The following ASTN2 variants were observed in gnomAD, a reference collection of about 807,000 sequenced individuals.
The protein encoded by ASTN2 is astrotactin 2, also known as astrotactin-2.
ASTN2 carries 54 observed loss-of-function variants against 139.8 expected under a neutral mutation model. The ratio of observed to expected loss-of-function variants is 0.39; its 90% CI spans 0.31 to 0.48. The LOEUF (loss-of-function observed/expected upper bound fraction) is 0.48, where lower values mean the gene tolerates loss of function less well. ASTN2 is among the 20% of genes least tolerant of loss of function. The probability of loss-of-function intolerance (pLI) is 0.95; values close to 1 mark genes in which losing one functional copy is unlikely to be tolerated. For synonymous variants in ASTN2, 756 were observed against 719.5 expected, an observed-to-expected ratio of 1.05 and a Z score of -0.81; for missense variants, 1,565 against 1,725.1, an observed-to-expected ratio of 0.91 and a Z score of 1.64.
chr9:116,999,590 C>T (rs1175281673), intron 7 of ASTN2, among the ~76,000 whole-genome samples: 1 of 113,240 alleles, frequency 8.8e-6, no homozygotes, highest in Non-Finnish European at 1.7e-5. Context: ...GACAGAGTCT[C>T]ACTCTGTCAC....
chr9:117,142,278 T>A (rs533746126), intron 3 of ASTN2, among the ~76,000 whole-genome samples: 17 of 152,288 alleles, frequency 1.1e-4, no homozygotes, highest in African/African-American at 4.1e-4. Flanking sequence ...AAACAATCAC[T>A]AACTAAAGTA....
chr9:116,651,813 G>C lies in ASTN2; in HGVS notation c.2807-20C>G, dbSNP rs369472392. ...TGGTCTCTGGAGAGGCACAAGACAG[G>C]AAGAGCGAAAGGTAAACTCAGGATT... is the stretch of plus-strand genomic sequence containing the variant. On this transcript the variant is annotated intron_variant, in intron 16 of 22. Coordinates refer to ENST00000313400, the MANE Select transcript of ASTN2 (RefSeq NM_001365068.1). 1 of 1,607,472 alleles carries C rather than the reference G, an allele frequency of 6.2e-7. No homozygotes were observed. The highest frequency in any genetic ancestry group is 2.2e-5 in the East Asian group (1 of 44,674).
intron 1 of ASTN2, among the ~76,000 whole-genome samples, chr9:117,380,755 C>T (rs1001694392): frequency 1.3e-5 from 2 of 152,158 alleles, no homozygotes; most frequent in Non-Finnish European, 2.9e-5. Flanking sequence ...TAAAGACAGA[C>T]ATTAGCAAGT....
intron 5 of ASTN2, among the ~76,000 whole-genome samples, chr9:117,064,223 G>T (rs534054275): frequency 2.6e-5 from 4 of 152,000 alleles, no homozygotes; most frequent in Non-Finnish European, 5.9e-5. Context: ...TTAGAGAGCT[G>T]TTATCACGGT....
intron 3 of ASTN2, among the ~76,000 whole-genome samples, chr9:117,188,356 T>C (rs1831260888): frequency 6.6e-6 from 1 of 152,134 alleles, no homozygotes; most frequent in South Asian, 2.1e-4. Context: ...TTCCATAGCA[T>C]GAGGAGTTTT....
rs535743394 is a variant in ASTN2 at position 116,693,833 on chromosome 9, T to A, written c.2806+31938A>T. Among the ~76,000 whole-genome samples, 3 of 152,322 alleles carry A rather than the reference T, an allele frequency of 2.0e-5. No individual in the cohort carries two copies. The East Asian group carries it at 5.8e-4, about 29-fold the overall frequency. ...GGGGAAACTGAAGTCAAATTGACCT[T>A]CTATCTGAGTCATTCTCAGTATTAC... On this transcript the variant is annotated intron_variant, in intron 16 of 22. Transcript: ENST00000313400.
intron 6 of ASTN2, 53 bp from the exon 7 acceptor site, chr9:117,008,312 T>C: frequency 6.7e-7 from 1 of 1,485,170 alleles, no homozygotes; most frequent in South Asian, 1.4e-5. Context: ...AGGTCTTAGC[T>C]GATGCTACAG....
intron 20 of ASTN2, among the ~76,000 whole-genome samples, chr9:116,481,311 T>C (rs1052065553): frequency 6.6e-6 from 1 of 152,132 alleles, no homozygotes; most frequent in African/African-American, 2.4e-5. Context: ...GCCTGGGAGA[T>C]TGAGGCTGCA....
intron 3 of ASTN2, among the ~76,000 whole-genome samples, chr9:117,201,762 T>C (rs1445861037): frequency 3.3e-5 from 5 of 152,180 alleles, no homozygotes; most frequent in Admixed American, 1.3e-4. Context: ...CTTTCAATAA[T>C]GTGGTTGATT....
intron 1 of ASTN2, among the ~76,000 whole-genome samples, chr9:117,302,272 G>A (rs1309203772): frequency 6.6e-6 from 1 of 152,090 alleles, no homozygotes; most frequent in Admixed American, 6.5e-5. Context: ...AATTACAACA[G>A]GAAGAGAGTG....
intron 3 of ASTN2, among the ~76,000 whole-genome samples, chr9:117,197,978 T>C (rs1353918249): frequency 1.4e-5 from 2 of 142,280 alleles, no homozygotes; most frequent in African/African-American, 4.9e-5. Context: ...CTTTTTCTTC[T>C]GGCTGTTTTT....
chr9:116,547,837 C>T lies in ASTN2; in HGVS notation c.3356-60337G>A, dbSNP rs959481206. On this transcript the variant is annotated intron_variant, in intron 19 of 22. Coordinates refer to ENST00000313400, the MANE Select transcript of ASTN2 (RefSeq NM_001365068.1). ...GGTCAAGGCGCCCGGTTTACCTGAG[C>T]TGCCCCCCAAGCTGAGGTTCTGTGT... Among the ~76,000 whole-genome samples the T allele has an allele frequency of 9.2e-5, 14 of 152,146 alleles. 1 individual carries two copies. Among genetic ancestry groups the T allele is most frequent in the Admixed American group, 9.2e-4 (14 of 15,280 alleles).
rs1554724602 is a variant in ASTN2, at chr9:116,642,132, C to CCAAAAAAAAA, written c.3072+9395_3072+9396insTTTTTTTTTG. ...TGGGAAAATGAAGGCTCCCAACCCA[C>CCAAAAAAAAA]AAAAAAAAAAAAACAAAAAAAAACA... On this transcript the variant is annotated intron_variant, in intron 17 of 22. Transcript: ENST00000313400. Among the ~76,000 whole-genome samples the CCAAAAAAAAA allele has an allele frequency of 7.2e-4, 35 of 48,928 alleles. 5 individuals are homozygous for CCAAAAAAAAA. The highest frequency in any genetic ancestry group is 0.017 in the Middle Eastern group (1 of 60). 32.1% of individuals were successfully genotyped at this position (48,928 alleles called of 152,430 possible).
chr9:117,147,484 C>T (rs1326457891), intron 3 of ASTN2, among the ~76,000 whole-genome samples: 2 of 151,872 alleles, frequency 1.3e-5, no homozygotes. Context: ...CCACCGTTCT[C>T]TTCCCCCACG....
intron 19 of ASTN2, among the ~76,000 whole-genome samples, chr9:116,555,516 CTG>C (rs1216263791): frequency 6.6e-6 from 1 of 152,122 alleles, no homozygotes; most frequent in Non-Finnish European, 1.5e-5. Flanking sequence ...TCTCCCGACT[CTG>C]TGCGGTCCAC....
At chr9:116,857,416 T>C (rs556739468) in intron 11 of ASTN2, among the ~76,000 whole-genome samples, 3 of 152,334 alleles carry the variant, frequency 2.0e-5, no homozygotes, top group African/African-American at 7.2e-5. Context: ...GCTGCAATCC[T>C]GCTGAAGTCT....
At chr9:117,082,653 A>G (rs1421729086) in intron 5 of ASTN2, among the ~76,000 whole-genome samples, 1 of 152,142 alleles carries the variant, frequency 6.6e-6, no homozygotes. Context: ...AACACAAAAA[A>G]TTAGCTGGGC....
At chr9:116,626,138 C>T (rs939668916) in intron 17 of ASTN2, among the ~76,000 whole-genome samples, 1 of 140,008 alleles carries the variant, frequency 7.1e-6, no homozygotes, top group Non-Finnish European at 1.5e-5. Context: ...TACCACCATG[C>T]CTGGTTAGTT....
intron 16 of ASTN2, among the ~76,000 whole-genome samples, chr9:116,716,707 T>C (rs1275100099): frequency 6.6e-6 from 1 of 152,148 alleles, no homozygotes; most frequent in Admixed American, 6.5e-5. Context: ...GGCCTGACTA[T>C]GTGATTGCTA....
Sources: gnomAD v4.1 joint callset for allele counts (sites outside exome capture counted in the v4.1 genomes callset) on GRCh38, gnomAD v4.1.1 for gene constraint, MANE v1.5 for transcripts, NCBI Gene and HGNC (gene_info 2026-07-23, HGNC 2026-07-21) for gene names.